Variants in RGP1 observed in about 807,000 individuals in gnomAD.
RGP1 encodes RAB6A-GEF complex partner protein 2.
Under a neutral mutation model 44.5 loss-of-function variants are expected in RGP1, and 28 were observed. The ratio of observed to expected loss-of-function variants is 0.63; its 90% CI spans 0.47 to 0.86. The LOEUF (loss-of-function observed/expected upper bound fraction) is 0.86. Among genes scored for constraint, RGP1 ranks in the 40% least tolerant of loss-of-function variants. The probability of loss-of-function intolerance (pLI) is 0.00; values close to 1 mark genes in which losing one functional copy is unlikely to be tolerated. For synonymous variants in RGP1, 212 were observed against 196.7 expected (o/e 1.08, Z -0.65); for missense variants, 417 against 490.7 (o/e 0.85, Z 1.42).
chr9:35,784,008 A>G, the RGP1 span, among the ~76,000 whole-genome samples: 7 of 151,952 alleles, frequency 4.6e-5, no homozygotes, highest in Non-Finnish European at 1.0e-4. Context: ...TATCTCATTG[A>G]GGTTTTGATT....
the RGP1 span, chr9:35,772,078 G>A: frequency 6.6e-6 from 1 of 152,166 alleles, no homozygotes; most frequent in Non-Finnish European, 1.5e-5. Flanking sequence ...AATTACTGTT[G>A]TGCAATATTG....
At chr9:35,778,842 T>C in the RGP1 span, among the ~76,000 whole-genome samples, 1 of 152,252 alleles carries the variant, frequency 6.6e-6, no homozygotes, top group Non-Finnish European at 1.5e-5. Context: ...GTGCTTTTTA[T>C]ATTTTAATGG....
In RGP1 at chr9:35,751,958, T is replaced by G. The variant is rs1322769358; in HGVS notation, c.765T>G (p.Phe255Leu). ...ACACACCTGTCTCTTGCTCCCAGTT[T>G]TCAGTCAGCTTACAGACCGAGGAGC... ...LGEGTVACLQFSVSLQTEERV... is the reference protein window; with the variant it reads ...LGEGTVACLQLSVSLQTEERV... The change falls in exon 8 of 9, where the codon TTT becomes TTG. Residue 255 changes from phenylalanine (F) to leucine (L), a missense_variant and splice_region_variant. Phe to Leu is a conservative substitution (Grantham distance 22). Coordinates refer to ENST00000378078, the MANE Select transcript of RGP1 (RefSeq NM_001080496.3). 1 of 1,567,046 alleles carries G rather than the reference T, an allele frequency of 6.4e-7. No homozygotes were observed.
the RGP1 span, among the ~76,000 whole-genome samples, chr9:35,783,530 G>A: frequency 6.6e-6 from 1 of 151,226 alleles, no homozygotes; most frequent in Non-Finnish European, 1.5e-5. Context: ...TAAGAGATCA[G>A]TTTTTGTTTT....
At position 35,753,008 on chromosome 9, in the gene RGP1, T is replaced by C; in HGVS notation, c.*134T>C. Reference sequence around the variant, plus strand: ...GTCGGGCTTTCAGCTATAGCATTAATTTATTTGTTCAGAATACATTGGCAG... The same window carrying C: ...GTCGGGCTTTCAGCTATAGCATTAACTTATTTGTTCAGAATACATTGGCAG... On this transcript the variant is annotated 3_prime_UTR_variant, in exon 9 of 9. Coordinates refer to ENST00000378078, the MANE Select transcript of RGP1 (RefSeq NM_001080496.3). The surrounding 1 kb of genome is among the most constrained non-coding windows in gnomAD (Gnocchi z 4.2). 6.4e-7 allele frequency: 1 copy of C among 1,553,376 alleles called. No individual in the cohort carries two copies. The highest frequency in any genetic ancestry group is 1.8e-5 in the Admixed American group (1 of 55,744).
the RGP1 span, among the ~76,000 whole-genome samples, chr9:35,767,288 T>TTG: frequency 6.7e-6 from 1 of 149,834 alleles, no homozygotes; most frequent in Non-Finnish European, 1.5e-5. Context: ...AATTGGTTTT[T>TTG]TTTTTTTTTT....
chr9:35,753,856 G>T lies in RGP1; in HGVS notation c.*982G>T. 5 of 1,513,892 alleles carry T rather than the reference G, an allele frequency of 3.3e-6. No individual in the cohort carries two copies. The highest frequency in any genetic ancestry group is 4.5e-6 in the Non-Finnish European group (5 of 1,100,282). 93.8% of individuals were successfully genotyped at this position (1,513,892 alleles called of 1,614,324 possible). A position where few individuals can be genotyped will look rare whatever the true frequency, so the allele number is the denominator to read the frequency against. On this transcript the variant is annotated 3_prime_UTR_variant, in exon 9 of 9. Transcript: ENST00000378078. The surrounding 1 kb of genome is among the most constrained non-coding windows in gnomAD (Gnocchi z 4.2). ...GGTCTGGGGTGGAGACAGTAAGTAC[G>T]CACTATCCCCGTATTTAGTTTGTCT...
chr9:35,778,539 A>G, the RGP1 span, among the ~76,000 whole-genome samples: 2 of 152,206 alleles, frequency 1.3e-5, no homozygotes, highest in Non-Finnish European at 2.9e-5. Flanking sequence ...CTGAATATAC[A>G]AAAGTGTTCA....
rs1394666582 is a variant in RGP1, at chr9:35,757,081, A to C, written c.*4207A>C. The C allele has an allele frequency of 6.6e-6, 1 of 152,376 alleles. No homozygotes were observed. Among genetic ancestry groups the C allele is most frequent in the Non-Finnish European group, 1.5e-5 (1 of 68,248 alleles). 9.4% of individuals were successfully genotyped at this position (152,376 alleles called of 1,614,324 possible). A position where few individuals can be genotyped will look rare whatever the true frequency, so the allele number is the denominator to read the frequency against. On this transcript the variant is annotated 3_prime_UTR_variant, in exon 9 of 9. Coordinates refer to ENST00000378078, the MANE Select transcript of RGP1 (RefSeq NM_001080496.3). ...TGGCGCGCACTACACGCTTGGGAAC[A>C]AGGAAAACATCCGCCGGAGGCCCGG...
chr9:35,767,170 C>T, the RGP1 span, among the ~76,000 whole-genome samples: 3 of 151,898 alleles, frequency 2.0e-5, no homozygotes, highest in African/African-American at 7.3e-5. Context: ...TACAATGTGT[C>T]ATGTGATAGA....
Position 35,751,972 on chromosome 9 carries a change from A to C in RGP1, c.779A>C (p.Gln260Pro). 11 of 1,578,674 alleles carry C rather than the reference A, an allele frequency of 7.0e-6. No individual in the cohort carries two copies. The highest frequency in any genetic ancestry group is 9.5e-6 in the Non-Finnish European group (11 of 1,161,802). Residue 260 changes from glutamine (Q) to proline (P), a missense_variant, in exon 8 of 9, where the codon CAG (glutamine) becomes CCG (proline). Gln to Pro is a moderately conservative substitution (Grantham distance 76). Transcript: ENST00000378078. ...VACLQFSVSL[Q>P]TEERVQPEYQ... ...TGCTCCCAGTTTTCAGTCAGCTTACAGACCGAGGAGCGTGTACAGCCTGAG... is the reference window on the plus strand; with the variant it reads ...TGCTCCCAGTTTTCAGTCAGCTTACCGACCGAGGAGCGTGTACAGCCTGAG...
the RGP1 span, among the ~76,000 whole-genome samples, chr9:35,769,372 TC>T: frequency 1.3e-5 from 2 of 151,696 alleles, no homozygotes; most frequent in East Asian, 1.9e-4. Flanking sequence ...ATTTTGTCAT[TC>T]ATTTTTTTTC....
the RGP1 span, among the ~76,000 whole-genome samples, chr9:35,779,574 C>T: frequency 0.34 from 52,297 of 152,050 alleles, 9,792 homozygotes; most frequent in Middle Eastern, 0.5. Flanking sequence ...GGAAGATCGC[C>T]GGGCTTGAGC....
At chr9:35,769,247 G>A in the RGP1 span, among the ~76,000 whole-genome samples, 1 of 152,254 alleles carries the variant, frequency 6.6e-6, no homozygotes, top group African/African-American at 2.4e-5. Flanking sequence ...CACATCTACT[G>A]TACCTGGCCC....
chr9:35,752,218 AT>A, intron 8 of RGP1, 73 bp downstream of exon 8: 2 of 1,376,776 alleles, frequency 1.5e-6, no homozygotes, highest in Non-Finnish European at 9.8e-7. Flanking sequence ...GGTGTAATGG[AT>A]CCTGATTCCT....
chr9:35,758,701 G>A (rs970714558), downstream of RGP1: 1 of 152,060 alleles, frequency 6.6e-6, no homozygotes, highest in Non-Finnish European at 1.5e-5. Flanking sequence ...TGCTCTGCTG[G>A]GCATCTTGAG....
chr9:35,751,547 C>T, intron 6 of RGP1, 80 bp from the exon 7 acceptor site: 1 of 1,601,772 alleles, frequency 6.2e-7, no homozygotes, highest in Non-Finnish European at 8.5e-7. Flanking sequence ...AGAAAAGCCC[C>T]ATCTTTTGGC....
the RGP1 span, among the ~76,000 whole-genome samples, chr9:35,763,913 GA>G: frequency 2.1e-5 from 3 of 142,616 alleles, no homozygotes; most frequent in Admixed American, 7.0e-5. Context: ...AAAGAGAAAA[GA>G]AAAAACTCAT....
the RGP1 span, among the ~76,000 whole-genome samples, chr9:35,774,961 A>G: frequency 3.9e-5 from 6 of 152,206 alleles, no homozygotes; most frequent in East Asian, 9.7e-4. Context: ...ATTGGGAAGC[A>G]GGAAATTTAT....
Sources: gnomAD v4.1 joint callset for allele counts (sites outside exome capture counted in the v4.1 genomes callset) on GRCh38, gnomAD v4.1.1 for gene constraint, Gnocchi (gnomAD v3.1) non-coding constraint, MANE v1.5 for transcripts, NCBI Gene and HGNC (gene_info 2026-07-23, HGNC 2026-07-21) for gene names.